PIK3R5: variants seen among roughly 807,000 people sequenced by gnomAD.
The protein encoded by PIK3R5 is phosphoinositide-3-kinase regulatory subunit 5, also known as phosphoinositide 3-kinase regulatory subunit 5.
A neutral mutation model predicts 94.9 loss-of-function variants in PIK3R5; 32 were observed. The observed-to-expected ratio is 0.34, with a 90% CI of 0.25 to 0.45. The LOEUF is 0.45. Ranked by LOEUF, PIK3R5 falls within the 20% of genes least tolerant of loss-of-function variation. The pLI, the probability that PIK3R5 is intolerant of heterozygous loss-of-function variation, is 1.00. For missense variants in PIK3R5, 853 were observed against 1,144.6 expected, an observed-to-expected ratio of 0.75 and a Z score of 3.68; for synonymous variants, 443 against 479.4, an observed-to-expected ratio of 0.92 and a Z score of 0.99.
rs992807952 is a variant in PIK3R5, at chr17:8,889,737, G to A, written c.811+236C>T. On this transcript the variant is annotated intron_variant, in intron 8 of 18. Coordinates refer to ENST00000447110, the MANE Select transcript of PIK3R5 (RefSeq NM_001142633.3). This position sits in a 1 kb window ranked among gnomAD's most constrained non-coding sequence, Gnocchi z 4.1. ...ACAGAAAAGCCCAGCCTTTGCCCTC[G>A]TAAGCACTCTCTTTTCCTCTTCCCA... 2.0e-5 allele frequency among the ~76,000 whole-genome samples: 3 copies of A among 152,048 alleles called. No individual in the cohort carries two copies. The highest frequency in any genetic ancestry group is 7.3e-5 in the African/African-American group (3 of 41,356).
Position 8,955,141 on chromosome 17 carries a change from A to G in PIK3R5, c.-14+10455T>C, listed in dbSNP as rs1003227699. On this transcript the variant is annotated intron_variant, in intron 1 of 18. Coordinates refer to ENST00000447110, the MANE Select transcript of PIK3R5 (RefSeq NM_001142633.3). This position sits in a 1 kb window ranked among gnomAD's most constrained non-coding sequence, Gnocchi z 4.4. Reference sequence around the variant, plus strand: ...CAGTGATATGTCTGGAGGGTCCTTGAGGGGAGGATGACCGAACCCCACAGA... The same window carrying G: ...CAGTGATATGTCTGGAGGGTCCTTGGGGGGAGGATGACCGAACCCCACAGA... 3.3e-5 allele frequency among the ~76,000 whole-genome samples: 5 copies of G among 152,026 alleles called. No homozygotes were observed. Among genetic ancestry groups the G allele is most frequent in the Non-Finnish European group, 1.5e-5 (1 of 68,014 alleles).
At chr17:8,898,070 G>C (rs147060415) in intron 5 of PIK3R5, among the ~76,000 whole-genome samples, 129 of 152,286 alleles carry the variant, frequency 8.5e-4, no homozygotes, top group Non-Finnish European at 1.5e-3. Flanking sequence ...GTGGTTTCTG[G>C]AACACCTGCC....
rs1346542965 is a variant in PIK3R5, at chr17:8,884,293, A to G, written c.2205+414T>C. On this transcript the variant is annotated intron_variant, in intron 15 of 18. Coordinates refer to ENST00000447110, the MANE Select transcript of PIK3R5 (RefSeq NM_001142633.3). The surrounding 1 kb of genome is among the most constrained non-coding windows in gnomAD (Gnocchi z 5.8). ...CATGGACAGCCCTCCACCTCCCCAC[A>G]GCTCTCCTCACTCCTTTCTCACGCC... 6.6e-6 allele frequency among the ~76,000 whole-genome samples: 1 copy of G among 151,488 alleles called. No individual in the cohort carries two copies. Among genetic ancestry groups the G allele is most frequent in the Non-Finnish European group, 1.5e-5 (1 of 67,812 alleles).
In PIK3R5 at chr17:8,888,972, A is replaced by C. The variant is rs2089956307; in HGVS notation, c.896-81T>G. ...ATATTCCCTTTGGAGGGGAGACAGC[A>C]GGACTCAGGGCCAGCCCAGGACTCC... is the stretch of plus-strand genomic sequence containing the variant. On this transcript the variant is annotated intron_variant, in intron 9 of 18. Coordinates refer to ENST00000447110, the MANE Select transcript of PIK3R5 (RefSeq NM_001142633.3). The surrounding 1 kb of genome is among the most constrained non-coding windows in gnomAD (Gnocchi z 7.8). 5.2e-6 allele frequency: 8 copies of C among 1,539,284 alleles called. No homozygotes were observed. The highest frequency in any genetic ancestry group is 6.1e-6 in the Non-Finnish European group (7 of 1,147,312).
At chr17:8,921,894 A>G (rs2090755375) in intron 1 of PIK3R5, among the ~76,000 whole-genome samples, 1 of 152,226 alleles carries the variant, frequency 6.6e-6, no homozygotes, top group Admixed American at 6.5e-5. Context: ...ATAACACAAA[A>G]AGCACAGGCA....
chr17:8,916,441 C>T (rs1257703838), intron 1 of PIK3R5: 1 of 152,108 alleles, frequency 6.6e-6, no homozygotes, highest in Non-Finnish European at 1.5e-5. Flanking sequence ...GAGAGGAGCT[C>T]CCATTGTAAA....
At chr17:8,883,864 C>T (rs2089743855) in intron 15 of PIK3R5, among the ~76,000 whole-genome samples, 1 of 152,196 alleles carries the variant, frequency 6.6e-6, no homozygotes, top group South Asian at 2.1e-4. Flanking sequence ...AGAACAGTGC[C>T]TGGGCTGTGG....
intron 3 of PIK3R5, among the ~76,000 whole-genome samples, chr17:8,908,530 AACACACACACACACAC>A (rs3138608): frequency 3.4e-4 from 46 of 136,578 alleles, no homozygotes; most frequent in African/African-American, 1.1e-3. Context: ...AAATAATTAA[AACACACACACACACAC>A]ACACACACAC....
intron 5 of PIK3R5, among the ~76,000 whole-genome samples, chr17:8,897,780 C>T (rs1006919443): frequency 1.3e-5 from 2 of 152,158 alleles, no homozygotes; most frequent in African/African-American, 2.4e-5. Context: ...GCCAGCACTC[C>T]AGCAGCCATC....
chr17:8,891,597 CTTT>C (rs564434517), intron 6 of PIK3R5, among the ~76,000 whole-genome samples: 7 of 140,578 alleles, frequency 5.0e-5, no homozygotes, highest in Admixed American at 7.1e-5. Flanking sequence ...GAACCTTTCT[CTTT>C]TTTTTTTTTT....
chr17:8,954,068 GA>G (rs1439917322), intron 1 of PIK3R5, among the ~76,000 whole-genome samples: 4 of 143,628 alleles, frequency 2.8e-5, no homozygotes, highest in Admixed American at 6.8e-5. Context: ...CAAAAAAAAA[GA>G]AAAAAAGAAA....
chr17:8,921,740 C>G (rs1429743981), intron 1 of PIK3R5, among the ~76,000 whole-genome samples: 2 of 152,028 alleles, frequency 1.3e-5, no homozygotes, highest in South Asian at 4.1e-4. Flanking sequence ...AATACATATT[C>G]TGGTGTTAGG....
In PIK3R5 at chr17:8,935,258, G is replaced by C. The variant is rs2091052514; in HGVS notation, c.-13-23751C>G. ...GGTTCTAACCCCAGTGCCTGGCACAGGGTCTGGGCAGATTCTCCCTGGAAA... is the reference window on the plus strand; with the variant it reads ...GGTTCTAACCCCAGTGCCTGGCACACGGTCTGGGCAGATTCTCCCTGGAAA... On this transcript the variant is annotated intron_variant, in intron 1 of 18. Transcript: ENST00000447110. The surrounding 1 kb of genome is among the most constrained non-coding windows in gnomAD (Gnocchi z 4.5). 6.6e-6 allele frequency among the ~76,000 whole-genome samples: 1 copy of C among 152,190 alleles called. No individual in the cohort carries two copies. The highest frequency in any genetic ancestry group is 6.5e-5 in the Admixed American group (1 of 15,286).
rs755966420 is a variant in PIK3R5, at chr17:8,881,640, C to G, written c.2372G>C (p.Gly791Ala). 19 of 1,612,486 alleles carry G rather than the reference C, an allele frequency of 1.2e-5. No homozygotes were observed. The highest frequency in any genetic ancestry group is 1.4e-5 in the Non-Finnish European group (17 of 1,179,194). The part of the protein sequence containing the change: ...VKRQNSKSKK[G>A]FNQISTSQIK... ...GAGGGAAGCCCGTACCTGGTTAAAGCCCTTCTTGGATTTGGAGTTCTGCCT... is the reference window on the plus strand; with the variant it reads ...GAGGGAAGCCCGTACCTGGTTAAAGGCCTTCTTGGATTTGGAGTTCTGCCT... The change falls in exon 17 of 19, where the codon GGC becomes GCC. Residue 791 changes from glycine to alanine, a missense_variant. Gly to Ala is a moderately conservative substitution (Grantham distance 60). This residue lies in a region of PIK3R5 where 173 missense variants were observed against 274.1 expected (regional missense o/e 0.63). Coordinates refer to ENST00000447110, the MANE Select transcript of PIK3R5 (RefSeq NM_001142633.3). The surrounding 1 kb of genome is among the most constrained non-coding windows in gnomAD (Gnocchi z 4.8).
At chr17:8,957,087 C>G (rs1223864724) in intron 1 of PIK3R5, among the ~76,000 whole-genome samples, 2 of 152,188 alleles carry the variant, frequency 1.3e-5, no homozygotes, top group Non-Finnish European at 2.9e-5. Context: ...ACTACTCAAA[C>G]TCAAATCATG....
chr17:8,887,503 C>T lies in PIK3R5; in HGVS notation c.1779+18G>A, dbSNP rs1289501694. The T allele has an allele frequency of 6.3e-7, 1 of 1,594,766 alleles. No individual in the cohort carries two copies. The highest frequency in any genetic ancestry group is 8.5e-7 in the Non-Finnish European group (1 of 1,170,390). ...GAACTCTACTTTCCCCGACCATTGG[C>T]CCAGGCTGGGGACATACTCCAGGGC... On this transcript the variant is annotated intron_variant, in intron 11 of 18. Coordinates refer to ENST00000447110, the MANE Select transcript of PIK3R5 (RefSeq NM_001142633.3).
At chr17:8,959,003 C>T (rs990195201) in intron 1 of PIK3R5, among the ~76,000 whole-genome samples, 4 of 152,156 alleles carry the variant, frequency 2.6e-5, no homozygotes, top group African/African-American at 9.7e-5. Context: ...GGTGATCTGC[C>T]CGCCTCGGCC....
chr17:8,917,073 G>A (rs988810258), intron 1 of PIK3R5, among the ~76,000 whole-genome samples: 4 of 152,168 alleles, frequency 2.6e-5, no homozygotes, highest in African/African-American at 9.7e-5. Context: ...CCTTCCTCAT[G>A]CCTTCATAAG....
At chr17:8,941,834 T>A (rs1363673561) in intron 1 of PIK3R5, among the ~76,000 whole-genome samples, 8 of 152,216 alleles carry the variant, frequency 5.3e-5, no homozygotes, top group Non-Finnish European at 7.4e-5. Context: ...CCTCCCTCAA[T>A]CCTGCCTGCT....
Sources: gnomAD v4.1 joint callset for allele counts (sites outside exome capture counted in the v4.1 genomes callset) on GRCh38, gnomAD v4.1.1 for gene constraint, gnomAD v4.1.1 regional missense constraint, Gnocchi (gnomAD v3.1) non-coding constraint, MANE v1.5 for transcripts, NCBI Gene and HGNC (gene_info 2026-07-23, HGNC 2026-07-21) for gene names.